The following EYS variants were observed in gnomAD, a reference collection of about 807,000 sequenced individuals.
EYS encodes the protein EGF-like photoreceptor maintenance factor.
In EYS, 250 loss-of-function variants were observed where a neutral mutation model predicts 282.1. The observed-to-expected ratio is 0.89, with a 90% CI of 0.80 to 0.98. EYS has a LOEUF of 0.98. EYS is among the 50% of genes least tolerant of loss of function. The pLI, the probability that EYS is intolerant of heterozygous loss-of-function variation, is 0.00. For missense variants in EYS, 4,016 were observed against 3,709.0 expected, an observed-to-expected ratio of 1.08 and a Z score of -2.15; for synonymous variants, 1,355 against 1,282.9, an observed-to-expected ratio of 1.06 and a Z score of -1.20.
chr6:64,710,632 T>C (rs527628993), intron 22 of EYS, among the ~76,000 whole-genome samples: 2 of 152,342 alleles, frequency 1.3e-5, no homozygotes, highest in African/African-American at 4.8e-5. Context: ...CTTTGTGCAG[T>C]TTTGTTCAAT....
At chr6:64,541,155 G>GC (rs1274109825) in intron 26 of EYS, among the ~76,000 whole-genome samples, 1 of 152,062 alleles carries the variant, frequency 6.6e-6, no homozygotes, top group Non-Finnish European at 1.5e-5. Flanking sequence ...ACAGATTCTG[G>GC]CCTTGACCAA....
intron 11 of EYS, among the ~76,000 whole-genome samples, chr6:65,314,086 G>T (rs1769233092): frequency 6.6e-6 from 1 of 151,652 alleles, no homozygotes; most frequent in African/African-American, 2.4e-5. Context: ...CATCTGCCTG[G>T]ATTGCTCTTC....
At chr6:65,164,488 C>CT (rs1332833357) in intron 12 of EYS, among the ~76,000 whole-genome samples, 16 of 151,258 alleles carry the variant, frequency 1.1e-4, no homozygotes, top group East Asian at 2.0e-4. Flanking sequence ...TTCTCTGCTT[C>CT]TTTTTTTATC....
intron 41 of EYS, chr6:63,744,316 C>A (rs1167153033): frequency 1.3e-5 from 2 of 152,074 alleles, no homozygotes; most frequent in Admixed American, 6.6e-5. Context: ...TTCTTTCTTG[C>A]TGCTTTAATG....
chr6:64,753,952 C>T (rs557442096), intron 22 of EYS, among the ~76,000 whole-genome samples: 94 of 152,136 alleles, frequency 6.2e-4, no homozygotes, highest in South Asian at 1.5e-3. Context: ...CCAAAAGGAA[C>T]TCTGAAAGCT....
At chr6:64,293,502 T>C (rs536773324) in intron 30 of EYS, among the ~76,000 whole-genome samples, 1 of 152,202 alleles carries the variant, frequency 6.6e-6, no homozygotes, top group South Asian at 2.1e-4. Flanking sequence ...CCTTCAGGAA[T>C]AGTAATTATT....
Position 63,875,886 on chromosome 6 carries a change from C to T in EYS, c.7056-11528G>A, listed in dbSNP as rs1322972717. Among the ~76,000 whole-genome samples the T allele has an allele frequency of 9.2e-5, 14 of 151,902 alleles. No individual in the cohort carries two copies. In the South Asian group the frequency reaches 1.0e-3, roughly 11 times the overall value. ...TTTTCTTCTTTGTTAGTCTTGCTAG[C>T]GGTCTATCAATTTTGTTGATCTTTT... On this transcript the variant is annotated intron_variant, in intron 35 of 42. Transcript: ENST00000503581.
chr6:64,612,908 C>G (rs932551224), intron 24 of EYS, among the ~76,000 whole-genome samples: 1 of 151,946 alleles, frequency 6.6e-6, no homozygotes, highest in Admixed American at 6.6e-5. Flanking sequence ...CTGAAGATCT[C>G]TGAGAAGAAA....
At chr6:65,458,533 T>A (rs1400415404) in intron 5 of EYS, among the ~76,000 whole-genome samples, 1 of 152,138 alleles carries the variant, frequency 6.6e-6, no homozygotes, top group Non-Finnish European at 1.5e-5. Flanking sequence ...CTCTCAGAAA[T>A]GTTTCGAGAA....
At chr6:64,668,407 TA>T (rs1277068361) in intron 22 of EYS, among the ~76,000 whole-genome samples, 1 of 152,102 alleles carries the variant, frequency 6.6e-6, no homozygotes, top group African/African-American at 2.4e-5. Flanking sequence ...AAGGTCAAAA[TA>T]ACTATTTTCT....
intron 35 of EYS, among the ~76,000 whole-genome samples, chr6:63,886,379 A>G (rs2149721701): frequency 6.6e-6 from 1 of 152,334 alleles, no homozygotes; most frequent in African/African-American, 2.4e-5. Context: ...AAATGAAGTT[A>G]TAATTGGAAG....
intron 2 of EYS, among the ~76,000 whole-genome samples, chr6:65,610,166 C>A (rs929757636): frequency 6.6e-6 from 1 of 152,044 alleles, no homozygotes; most frequent in Non-Finnish European, 1.5e-5. Flanking sequence ...CTTAGACTCC[C>A]AAAACACTGG....
chr6:65,179,014 GA>G (rs1403252931), intron 12 of EYS, among the ~76,000 whole-genome samples: 2 of 152,022 alleles, frequency 1.3e-5, no homozygotes, highest in African/African-American at 4.8e-5. Context: ...TGAAACCAAT[GA>G]GAACAAAGAC....
rs190055473 is a variant in EYS, at chr6:64,159,395, C to T, written c.6424+71197G>A. 3.9e-3 allele frequency among the ~76,000 whole-genome samples: 593 copies of T among 151,654 alleles called. 3 individuals carry two copies. Among genetic ancestry groups the T allele is most frequent in the African/African-American group, 0.013 (557 of 41,340 alleles). ...CTAACATGGTGAAACCCCGTCTCTA[C>T]TAAAAATATAAAAAATTAGCCAGGT... On this transcript the variant is annotated intron_variant, in intron 31 of 42. Coordinates refer to ENST00000503581, the MANE Select transcript of EYS (RefSeq NM_001142800.2).
At chr6:65,284,444 A>T (rs562991118) in intron 12 of EYS, among the ~76,000 whole-genome samples, 146 of 152,190 alleles carry the variant, frequency 9.6e-4, no homozygotes, top group Non-Finnish European at 1.9e-3. Context: ...CATTTTAAAA[A>T]CTATTTTTAC....
At chr6:65,459,966 TTTTATA>T (rs1317760523) in intron 5 of EYS, among the ~76,000 whole-genome samples, 2 of 62,180 alleles carry the variant, frequency 3.2e-5, no homozygotes, top group African/African-American at 6.3e-5. Flanking sequence ...TGTTTGTGTA[TTTTATA>T]TATATATATA....
chr6:65,156,292 C>T (rs1034493342), intron 12 of EYS, among the ~76,000 whole-genome samples: 4 of 151,216 alleles, frequency 2.6e-5, no homozygotes, highest in African/African-American at 9.7e-5. Context: ...CCTATGCTGT[C>T]CAATTTCTGG....
intron 26 of EYS, among the ~76,000 whole-genome samples, chr6:64,484,635 T>G (rs570892655): frequency 6.6e-6 from 1 of 151,758 alleles, no homozygotes; most frequent in African/African-American, 2.4e-5. Flanking sequence ...TTACTTTAAA[T>G]TATAAGATGA....
At chr6:65,618,945 G>A (rs987282755) in intron 2 of EYS, among the ~76,000 whole-genome samples, 1 of 152,052 alleles carries the variant, frequency 6.6e-6, no homozygotes, top group Non-Finnish European at 1.5e-5. Context: ...ATGCTGTTTT[G>A]GTTACTGTAG....
Sources: allele counts gnomAD v4.1 joint callset (sites outside exome capture counted in the v4.1 genomes callset), GRCh38; gene constraint gnomAD v4.1.1; transcripts MANE v1.5; gene names NCBI Gene and HGNC (gene_info 2026-07-23, HGNC 2026-07-21).